Variants in KHDRBS2 observed in about 807,000 individuals in gnomAD.
The protein encoded by KHDRBS2 is KH RNA binding domain containing, signal transduction associated 2.
Under a neutral mutation model 44.3 loss-of-function variants are expected in KHDRBS2, and 26 were observed. That is an observed-to-expected ratio of 0.59 (90% confidence interval 0.43 to 0.81). KHDRBS2 has a LOEUF of 0.81. Ranked by LOEUF, KHDRBS2 falls within the 40% of genes least tolerant of loss-of-function variation. The pLI is 0.00. For missense variants in KHDRBS2, 476 were observed against 433.1 expected (o/e 1.10, Z -0.88); for synonymous variants, 194 against 151.1 (o/e 1.28, Z -2.08).
At chr6:62,155,446 T>C (rs1193210124) in intron 2 of KHDRBS2, among the ~76,000 whole-genome samples, 1 of 152,130 alleles carries the variant, frequency 6.6e-6, no homozygotes, top group Non-Finnish European at 1.5e-5. Flanking sequence ...GATACAAGTT[T>C]AGGAGTCATT....
intron 4 of KHDRBS2, among the ~76,000 whole-genome samples, chr6:61,945,102 A>ATATATAT (rs1456176748): frequency 1.4e-5 from 1 of 71,600 alleles, no homozygotes; most frequent in South Asian, 5.0e-4. Context: ...AAAAAAAAAA[A>ATATATAT]AAAAAAAAAA....
At chr6:61,749,773 T>C (rs1777397821) in intron 6 of KHDRBS2, among the ~76,000 whole-genome samples, 1 of 152,122 alleles carries the variant, frequency 6.6e-6, no homozygotes, top group Non-Finnish European at 1.5e-5. Context: ...GAACAATATC[T>C]AAGAGCAATC....
At chr6:62,273,113 A>G (rs1376992411) in intron 1 of KHDRBS2, among the ~76,000 whole-genome samples, 14 of 152,196 alleles carry the variant, frequency 9.2e-5, no homozygotes, top group Non-Finnish European at 1.9e-4. Context: ...ATCTGTTTTC[A>G]GCCACTACCC....
the KHDRBS2 span, among the ~76,000 whole-genome samples, chr6:61,591,609 T>C: frequency 6.6e-6 from 1 of 152,088 alleles, no homozygotes; most frequent in Non-Finnish European, 1.5e-5. Context: ...AGCAGTGGTT[T>C]GTGTGTCCCT....
At chr6:62,169,210 T>TATATACATATACATATATGTATATATAC (rs1454018151) in intron 2 of KHDRBS2, among the ~76,000 whole-genome samples, 9 of 145,666 alleles carry the variant, frequency 6.2e-5, no homozygotes, top group African/African-American at 1.5e-4. Flanking sequence ...TGTATATATA[T>TATATACATATACATATATGTATATATAC]GTATATATAC....
At chr6:61,852,529 A>C (rs1244470441) in intron 6 of KHDRBS2, among the ~76,000 whole-genome samples, 2 of 149,648 alleles carry the variant, frequency 1.3e-5, no homozygotes, top group East Asian at 4.0e-4. Context: ...GCACCACTGC[A>C]CTCCAGCCTG....
chr6:61,621,674 C>A, the KHDRBS2 span, among the ~76,000 whole-genome samples: 1 of 152,184 alleles, frequency 6.6e-6, no homozygotes, highest in Non-Finnish European at 1.5e-5. Context: ...CCCCAATGAT[C>A]CACGTTCTTG....
chr6:62,123,356 CAT>C (rs1309291882), intron 2 of KHDRBS2, among the ~76,000 whole-genome samples: 1 of 152,184 alleles, frequency 6.6e-6, no homozygotes, highest in Non-Finnish European at 1.5e-5. Flanking sequence ...CCGTAATAAA[CAT>C]ATGTGTGCAT....
intron 3 of KHDRBS2, among the ~76,000 whole-genome samples, chr6:61,986,242 A>G (rs1339637663): frequency 6.6e-6 from 1 of 152,198 alleles, no homozygotes; most frequent in Admixed American, 6.5e-5. Context: ...AAATAAGGTT[A>G]AAGTTTTTCT....
chr6:61,896,848 C>T (rs1187863002), intron 5 of KHDRBS2, among the ~76,000 whole-genome samples: 2 of 152,202 alleles, frequency 1.3e-5, no homozygotes, highest in African/African-American at 4.8e-5. Context: ...TCTTTACAGT[C>T]TCCATGCCAC....
chr6:61,776,352 G>A (rs1781996085), intron 6 of KHDRBS2, among the ~76,000 whole-genome samples: 1 of 152,012 alleles, frequency 6.6e-6, no homozygotes, highest in South Asian at 2.1e-4. Flanking sequence ...GAGTGAACAG[G>A]CAACCTACAA....
intron 2 of KHDRBS2, among the ~76,000 whole-genome samples, chr6:62,071,309 T>C (rs918637151): frequency 1.3e-5 from 2 of 152,204 alleles, no homozygotes; most frequent in African/African-American, 4.8e-5. Flanking sequence ...ACTCTGATGG[T>C]AGTTTCTTTT....
the KHDRBS2 span, among the ~76,000 whole-genome samples, chr6:61,665,959 A>G: frequency 6.6e-6 from 1 of 150,944 alleles, no homozygotes; most frequent in Non-Finnish European, 1.5e-5. Flanking sequence ...AAGTCTGACA[A>G]GTTGAATAGT....
chr6:61,635,696 G>C, the KHDRBS2 span, among the ~76,000 whole-genome samples: 182 of 151,932 alleles, frequency 1.2e-3, 1 homozygote, highest in African/African-American at 4.1e-3. Flanking sequence ...GAACAGAAAA[G>C]GTGTTCTTTA....
chr6:61,955,105 T>C (rs867655725), intron 4 of KHDRBS2, among the ~76,000 whole-genome samples: 9 of 140,730 alleles, frequency 6.4e-5, no homozygotes, highest in Non-Finnish European at 7.8e-5. Flanking sequence ...TATGTATATA[T>C]ACACATATGT....
At chr6:61,847,878 C>T (rs1048831249) in intron 6 of KHDRBS2, among the ~76,000 whole-genome samples, 5 of 150,478 alleles carry the variant, frequency 3.3e-5, no homozygotes, top group Non-Finnish European at 7.4e-5. Flanking sequence ...TTTTAGAGGT[C>T]AGAATATATT....
chr6:62,145,378 C>A (rs868434793), intron 2 of KHDRBS2, among the ~76,000 whole-genome samples: 1 of 151,312 alleles, frequency 6.6e-6, no homozygotes, highest in Admixed American at 6.6e-5. Context: ...AAGCTTACAT[C>A]GCTTTTTCAC....
the KHDRBS2 span, among the ~76,000 whole-genome samples, chr6:61,665,039 A>C: frequency 2.0e-4 from 30 of 151,588 alleles, no homozygotes; most frequent in Non-Finnish European, 4.1e-4. Context: ...AATATAATTC[A>C]TGCTCTAATT....
Position 61,978,058 on chromosome 6 carries a change from A to G in KHDRBS2, c.483+8T>C, listed in dbSNP as rs372378021. ...GAAACATCTTTGTAAAAAATGAAAG[A>G]CACTTACAGGAACCAGGAATTTTTT... On this transcript the variant is annotated splice_region_variant and intron_variant, in intron 4 of 8. Coordinates refer to ENST00000281156, the MANE Select transcript of KHDRBS2 (RefSeq NM_152688.4). 1.9e-6 allele frequency: 3 copies of G among 1,573,884 alleles called. No homozygotes were observed. Among genetic ancestry groups the G allele is most frequent in the South Asian group, 1.2e-5 (1 of 83,372 alleles).
Sources: allele counts gnomAD v4.1 joint callset (sites outside exome capture counted in the v4.1 genomes callset), GRCh38; gene constraint gnomAD v4.1.1; transcripts MANE v1.5; gene names NCBI Gene and HGNC (gene_info 2026-07-23, HGNC 2026-07-21).